PDE8B: variants seen among roughly 807,000 people sequenced by gnomAD.
PDE8B encodes high affinity cAMP-specific and IBMX-insensitive 3',5'-cyclic phosphodiesterase 8B.
In PDE8B, 26 loss-of-function variants were observed where a neutral mutation model predicts 101.3. The observed-to-expected ratio is 0.26, with a 90% CI of 0.19 to 0.36. The LOEUF (loss-of-function observed/expected upper bound fraction) is 0.36. PDE8B is among the 10% of genes least tolerant of loss of function. The pLI is 1.00. For synonymous variants in PDE8B, 424 were observed against 429.3 expected (o/e 0.99, Z 0.15); for missense variants, 810 against 1,163.1 (o/e 0.70, Z 4.42).
chr5:77,422,897 T>C (rs1262653175), intron 20 of PDE8B, among the ~76,000 whole-genome samples: 3 of 152,074 alleles, frequency 2.0e-5, no homozygotes, highest in South Asian at 4.2e-4. Flanking sequence ...GATTTGGGGG[T>C]ACATGTGCAG....
At chr5:77,280,601 C>T (rs1417218084) in intron 1 of PDE8B, among the ~76,000 whole-genome samples, 1 of 152,096 alleles carries the variant, frequency 6.6e-6, no homozygotes, top group Non-Finnish European at 1.5e-5. Flanking sequence ...TGTTGGGTAG[C>T]AGTTCACAGA....
chr5:77,341,105 G>A (rs919536384), intron 6 of PDE8B, among the ~76,000 whole-genome samples: 3 of 152,150 alleles, frequency 2.0e-5, no homozygotes, highest in African/African-American at 4.8e-5. Context: ...TCTGCCAGAA[G>A]AGTATGAATA....
At chr5:77,363,447 C>T (rs969398416) in intron 10 of PDE8B, among the ~76,000 whole-genome samples, 2 of 152,066 alleles carry the variant, frequency 1.3e-5, no homozygotes, top group Admixed American at 1.3e-4. Context: ...GGTGCGGTGG[C>T]TTATGTCTGT....
At chr5:77,328,395 G>A (rs1393585444) in intron 3 of PDE8B, among the ~76,000 whole-genome samples, 2 of 152,164 alleles carry the variant, frequency 1.3e-5, no homozygotes, top group South Asian at 2.1e-4. Flanking sequence ...ATTATATGGT[G>A]ACAGGTACTA....
At chr5:77,201,810 C>T in the PDE8B span, among the ~76,000 whole-genome samples, 2 of 152,080 alleles carry the variant, frequency 1.3e-5, no homozygotes, top group South Asian at 2.1e-4. Context: ...TTGCTAGGGC[C>T]GCCATAATAA....
chr5:77,189,743 G>C, the PDE8B span, among the ~76,000 whole-genome samples: 1 of 152,114 alleles, frequency 6.6e-6, no homozygotes, highest in African/African-American at 2.4e-5. Context: ...CTCAGGGACT[G>C]TGGTCGGCTA....
At chr5:77,295,794 T>G (rs905022373) in intron 1 of PDE8B, among the ~76,000 whole-genome samples, 3 of 152,240 alleles carry the variant, frequency 2.0e-5, no homozygotes, top group African/African-American at 7.2e-5. Flanking sequence ...GGGCAAGTCT[T>G]GATCTGGTAA....
At chr5:77,415,003 A>C (rs1347753105) in intron 17 of PDE8B, among the ~76,000 whole-genome samples, 1 of 152,192 alleles carries the variant, frequency 6.6e-6, no homozygotes, top group Non-Finnish European at 1.5e-5. Flanking sequence ...GTGTATTTGG[A>C]GTCTGATTAG....
At chr5:77,238,960 A>G (rs1048354699) in intron 1 of PDE8B, among the ~76,000 whole-genome samples, 5 of 152,214 alleles carry the variant, frequency 3.3e-5, no homozygotes, top group African/African-American at 1.2e-4. Context: ...TACTCAGTCT[A>G]CTAATTCAAA....
chr5:77,425,667 G>C (rs1391719177), intron 20 of PDE8B, 100 bp from the exon 21 acceptor site: 1 of 1,233,586 alleles, frequency 8.1e-7, no homozygotes, highest in Non-Finnish European at 1.2e-6. Flanking sequence ...GAGAAAACTG[G>C]ATAATGACCC....
chr5:77,275,343 G>T (rs770554565), intron 1 of PDE8B, among the ~76,000 whole-genome samples: 7 of 152,080 alleles, frequency 4.6e-5, no homozygotes, highest in Non-Finnish European at 7.3e-5. Context: ...ATCTGTTTAG[G>T]TTTGCCCATA....
Position 77,275,112 on chromosome 5 carries a change from C to A in PDE8B, c.340-36882C>A, listed in dbSNP as rs568145228. 2.0e-5 allele frequency among the ~76,000 whole-genome samples: 3 copies of A among 152,292 alleles called. No individual in the cohort carries two copies. In the South Asian group the frequency reaches 6.2e-4, roughly 32 times the overall value. ...CAGTGGTGCCCACCTGTAGTCCCAGCTACTTGGGAGGCTGAAGCAGGAGGA... is the reference window on the plus strand; with the variant it reads ...CAGTGGTGCCCACCTGTAGTCCCAGATACTTGGGAGGCTGAAGCAGGAGGA... On this transcript the variant is annotated intron_variant, in intron 1 of 21. Transcript: ENST00000264917.
chr5:77,258,867 C>T (rs1470435897), intron 1 of PDE8B, among the ~76,000 whole-genome samples: 2 of 152,030 alleles, frequency 1.3e-5, no homozygotes, highest in African/African-American at 4.8e-5. Context: ...CTGGCTTTTC[C>T]TCCTCCTGTA....
At chr5:77,320,760 AT>A (rs1774866885) in intron 2 of PDE8B, among the ~76,000 whole-genome samples, 2 of 152,190 alleles carry the variant, frequency 1.3e-5, no homozygotes, top group African/African-American at 2.4e-5. Context: ...TTATAACACC[AT>A]TAGTAATGAT....
At chr5:77,348,428 AAAGAAACCTCTG>A (rs777124740) in intron 7 of PDE8B, among the ~76,000 whole-genome samples, 1 of 152,138 alleles carries the variant, frequency 6.6e-6, no homozygotes, top group Non-Finnish European at 1.5e-5. Flanking sequence ...AGAATTTTGA[AAAGAAACCTCTG>A]AGTCTGCTGG....
chr5:77,111,152 C>T, the PDE8B span, among the ~76,000 whole-genome samples: 1 of 152,136 alleles, frequency 6.6e-6, no homozygotes, highest in African/African-American at 2.4e-5. Context: ...GATATAATTG[C>T]ATCTAGGAAG....
the PDE8B span, among the ~76,000 whole-genome samples, chr5:77,136,864 G>C: frequency 6.6e-6 from 1 of 152,164 alleles, no homozygotes; most frequent in Admixed American, 6.5e-5. Flanking sequence ...AAAAATATTT[G>C]TAAGGAAGGG....
the PDE8B span, among the ~76,000 whole-genome samples, chr5:77,098,308 A>T: frequency 6.6e-6 from 1 of 150,960 alleles, no homozygotes. Flanking sequence ...AAAAAAAAGA[A>T]AGTCTTGTTC....
At chr5:77,383,180 A>G (rs940726854) in intron 10 of PDE8B, among the ~76,000 whole-genome samples, 2 of 152,142 alleles carry the variant, frequency 1.3e-5, no homozygotes, top group African/African-American at 4.8e-5. Context: ...GCATTTCTCT[A>G]ATGACCAGTG....
Sources: gnomAD v4.1 joint callset for allele counts (sites outside exome capture counted in the v4.1 genomes callset) on GRCh38, gnomAD v4.1.1 for gene constraint, MANE v1.5 for transcripts, NCBI Gene and HGNC (gene_info 2026-07-23, HGNC 2026-07-21) for gene names.